AGFG1: variants seen among roughly 807,000 people sequenced by gnomAD.
AGFG1 encodes arf-GAP domain and FG repeat-containing protein 1.
AGFG1 carries 10 observed loss-of-function variants against 60.6 expected under a neutral mutation model. The ratio of observed to expected loss-of-function variants is 0.16; its 90% CI spans 0.10 to 0.28. The LOEUF is 0.28. Among genes scored for constraint, AGFG1 ranks in the 10% least tolerant of loss-of-function variants. AGFG1 has a pLI of 1.00. For missense variants in AGFG1, 537 were observed against 676.5 expected (o/e 0.79, Z 2.29); for synonymous variants, 247 against 242.9 (o/e 1.02, Z -0.16).
chr2:227,475,415 A>G (rs940873885), intron 1 of AGFG1, among the ~76,000 whole-genome samples: 23 of 152,222 alleles, frequency 1.5e-4, no homozygotes, highest in Middle Eastern at 3.2e-3. Flanking sequence ...TCTGAAATCT[A>G]GAATTCTTGG....
chr2:227,475,520 G>A (rs1219073117), intron 1 of AGFG1, among the ~76,000 whole-genome samples: 2 of 152,188 alleles, frequency 1.3e-5, no homozygotes, highest in East Asian at 3.8e-4. Context: ...TCTTTGACAA[G>A]CAATAGTGCA....
At position 227,556,996 on chromosome 2, in the gene AGFG1, A is replaced by T. The variant is rs1288395338; in HGVS notation, c.*2501A>T. 1.3e-5 allele frequency: 2 copies of T among 152,184 alleles called. No homozygotes were observed. The highest frequency in any genetic ancestry group is 2.9e-5 in the Non-Finnish European group (2 of 68,018). The allele number at this position is 152,184 out of a possible 1,614,324, so 9.4% of individuals were successfully genotyped here. On this transcript the variant is annotated 3_prime_UTR_variant, in exon 13 of 13. Coordinates refer to ENST00000310078, the MANE Select transcript of AGFG1 (RefSeq NM_004504.5). ...GTTTTTCTCATGATATTCACTGTTTATTATTAAAGAAAATCAGCTTTCGTT... is the reference window on the plus strand; with the variant it reads ...GTTTTTCTCATGATATTCACTGTTTTTTATTAAAGAAAATCAGCTTTCGTT...
At chr2:227,500,732 C>T (rs1404796160) in intron 2 of AGFG1, among the ~76,000 whole-genome samples, 1 of 152,124 alleles carries the variant, frequency 6.6e-6, no homozygotes, top group Admixed American at 6.6e-5. Flanking sequence ...CATTAGTTCA[C>T]ATTACTTGTA....
chr2:227,515,263 A>G (rs906296777), intron 2 of AGFG1, among the ~76,000 whole-genome samples: 2 of 152,018 alleles, frequency 1.3e-5, no homozygotes, highest in African/African-American at 4.8e-5. Flanking sequence ...CACTAGTGTT[A>G]ATCATTTTGG....
In AGFG1 at chr2:227,557,509, A is replaced by C. The variant is rs1394478348; in HGVS notation, c.*3014A>C. 2 of 151,420 alleles carry C rather than the reference A, an allele frequency of 1.3e-5. No individual in the cohort carries two copies. Among genetic ancestry groups the C allele is most frequent in the African/African-American group, 4.9e-5 (2 of 41,102 alleles). 9.4% of individuals were successfully genotyped at this position (151,420 alleles called of 1,614,324 possible). ...AGCATTTTAGTTTCAGAACCTTAACACTCCCCAACAGCTTTGTTGATGTAG... is the reference window on the plus strand; with the variant it reads ...AGCATTTTAGTTTCAGAACCTTAACCCTCCCCAACAGCTTTGTTGATGTAG... On this transcript the variant is annotated 3_prime_UTR_variant, in exon 13 of 13. Transcript: ENST00000310078.
intron 3 of AGFG1, among the ~76,000 whole-genome samples, chr2:227,521,564 T>G (rs951375139): frequency 5.9e-5 from 9 of 152,190 alleles, no homozygotes; most frequent in African/African-American, 2.2e-4. Flanking sequence ...TAATTATCCT[T>G]TTATCATTTT....
At chr2:227,488,226 T>C (rs1052680198) in intron 1 of AGFG1, among the ~76,000 whole-genome samples, 1 of 152,230 alleles carries the variant, frequency 6.6e-6, no homozygotes, top group Non-Finnish European at 1.5e-5. Context: ...TGTTCACTTA[T>C]TTAGGTAATA....
intron 1 of AGFG1, among the ~76,000 whole-genome samples, chr2:227,485,248 T>C (rs1690595770): frequency 6.9e-6 from 1 of 145,132 alleles, no homozygotes; most frequent in Admixed American, 6.9e-5. Flanking sequence ...CGTTTCTTTT[T>C]TTTTTTTTTT....
chr2:227,521,420 A>G (rs1044670642), intron 3 of AGFG1, among the ~76,000 whole-genome samples: 3 of 152,258 alleles, frequency 2.0e-5, no homozygotes, highest in Non-Finnish European at 2.9e-5. Flanking sequence ...ATTCAGCTGT[A>G]CTAGAAGACA....
chr2:227,491,423 G>C, intron 1 of AGFG1, 124 bp from the exon 2 acceptor site: 1 of 571,436 alleles, frequency 1.7e-6, no homozygotes, highest in South Asian at 3.2e-5. Flanking sequence ...AATACTTTGA[G>C]TTTATGGAAT....
rs1357293412 is a variant in AGFG1, at chr2:227,556,799, G to A, written c.*2304G>A. On this transcript the variant is annotated 3_prime_UTR_variant, in exon 13 of 13. Transcript: ENST00000310078. ...AGAAGAGACCCAAGCTGGGTATGGT[G>A]GTGTGAGAGCCTGTGAGTCCTAGCT... 1 of 152,176 alleles carries A rather than the reference G, an allele frequency of 6.6e-6. No individual in the cohort carries two copies. The highest frequency in any genetic ancestry group is 1.5e-5 in the Non-Finnish European group (1 of 68,038). 9.4% of individuals were successfully genotyped at this position (152,176 alleles called of 1,614,324 possible). A position where few individuals can be genotyped will look rare whatever the true frequency, so the allele number is the denominator to read the frequency against.
intron 1 of AGFG1, among the ~76,000 whole-genome samples, chr2:227,481,623 C>T (rs774781469): frequency 6.6e-6 from 1 of 152,076 alleles, no homozygotes; most frequent in African/African-American, 2.4e-5. Flanking sequence ...CAAGAACTGT[C>T]GTGTGCTTTT....
At chr2:227,530,990 A>G (rs1692140564) in intron 5 of AGFG1, 101 bp from the exon 6 acceptor site, 2 of 1,077,112 alleles carry the variant, frequency 1.9e-6, no homozygotes, top group Non-Finnish European at 1.3e-6. Context: ...GTGAGTTTTG[A>G]TACATAGAAA....
At position 227,558,504 on chromosome 2, in the gene AGFG1, C is replaced by T. The variant is rs1477898460; in HGVS notation, c.*4009C>T. 6.6e-6 allele frequency: 1 copy of T among 151,860 alleles called. No homozygotes were observed. The highest frequency in any genetic ancestry group is 2.4e-5 in the African/African-American group (1 of 41,330). 9.4% of individuals were successfully genotyped at this position (151,860 alleles called of 1,614,324 possible). On this transcript the variant is annotated 3_prime_UTR_variant, in exon 13 of 13. Transcript: ENST00000310078. Reference sequence around the variant, plus strand: ...ACTCCTATTTTGTAAAGCATTCCACCTTTATTGATACAGTTTGTGGCCTAT... The same window carrying T: ...ACTCCTATTTTGTAAAGCATTCCACTTTTATTGATACAGTTTGTGGCCTAT...
At chr2:227,527,362 C>T (rs766496236) in intron 5 of AGFG1, among the ~76,000 whole-genome samples, 4 of 152,236 alleles carry the variant, frequency 2.6e-5, no homozygotes, top group Admixed American at 6.5e-5. Context: ...TATGTACATA[C>T]GTATACACAT....
At chr2:227,548,241 A>G (rs150625304) in intron 10 of AGFG1, among the ~76,000 whole-genome samples, 1,819 of 152,344 alleles carry the variant, frequency 0.012, 26 homozygotes, top group African/African-American at 0.022. Flanking sequence ...GAGGGGGATG[A>G]AAATATTCTA....
chr2:227,483,333 AAC>A (rs1690525265), intron 1 of AGFG1, among the ~76,000 whole-genome samples: 1 of 152,204 alleles, frequency 6.6e-6, no homozygotes, highest in African/African-American at 2.4e-5. Flanking sequence ...TATAGATACT[AAC>A]ACGAAATCAG....
intron 2 of AGFG1, among the ~76,000 whole-genome samples, chr2:227,504,965 ATGT>A (rs777409823): frequency 5.3e-5 from 8 of 152,160 alleles, no homozygotes; most frequent in Non-Finnish European, 1.2e-4. Context: ...TGGTGTTTAG[ATGT>A]TGTGGATCCA....
At chr2:227,535,539 T>C (rs1692284047) in intron 8 of AGFG1, among the ~76,000 whole-genome samples, 1 of 152,214 alleles carries the variant, frequency 6.6e-6, no homozygotes, top group African/African-American at 2.4e-5. Flanking sequence ...GTTAGAATTC[T>C]TGGCAGTAGG....
Sources: gnomAD v4.1 joint callset for allele counts (sites outside exome capture counted in the v4.1 genomes callset) on GRCh38, gnomAD v4.1.1 for gene constraint, MANE v1.5 for transcripts, NCBI Gene and HGNC (gene_info 2026-07-23, HGNC 2026-07-21) for gene names.